ANO1: variants seen among roughly 807,000 people sequenced by gnomAD.
The protein encoded by ANO1 is anoctamin-1.
ANO1 carries 59 observed loss-of-function variants against 124.0 expected under a neutral mutation model. The ratio of observed to expected loss-of-function variants is 0.48; its 90% CI spans 0.39 to 0.59. The LOEUF (loss-of-function observed/expected upper bound fraction) is 0.59, where lower values mean the gene tolerates loss of function less well. Among genes scored for constraint, ANO1 ranks in the 20% least tolerant of loss-of-function variants. The probability of loss-of-function intolerance (pLI) is 0.00; values close to 1 mark genes in which losing one functional copy is unlikely to be tolerated. For synonymous variants in ANO1, 529 were observed against 532.0 expected (o/e 0.99, Z 0.08); for missense variants, 1,059 against 1,328.0 (o/e 0.80, Z 3.15).
chr11:70,030,465 G>A (rs1555003696), intron 1 of ANO1, among the ~76,000 whole-genome samples: 1 of 152,204 alleles, frequency 6.6e-6, no homozygotes, highest in African/African-American at 2.4e-5. Flanking sequence ...TTCAGCCCTG[G>A]AGGTCAGAAG....
At chr11:70,048,231 A>G (rs1479232346) in intron 1 of ANO1, among the ~76,000 whole-genome samples, 4 of 152,182 alleles carry the variant, frequency 2.6e-5, no homozygotes, top group Admixed American at 6.5e-5. Context: ...GAACTGGTGG[A>G]TTTGAATTTT....
intron 7 of ANO1, among the ~76,000 whole-genome samples, chr11:70,113,251 G>A (rs534496773): frequency 4.6e-5 from 7 of 152,034 alleles, no homozygotes; most frequent in South Asian, 2.1e-4. Flanking sequence ...AGACACCACC[G>A]TCTGACCACC....
chr11:70,016,531 C>T (rs1427343348), intron 1 of ANO1: 1 of 152,268 alleles, frequency 6.6e-6, no homozygotes, highest in African/African-American at 2.4e-5. Flanking sequence ...AGGACAGTGG[C>T]CAGCCTGGGA....
Position 70,054,190 on chromosome 11 carries a change from T to G in ANO1, c.59-24352T>G, listed in dbSNP as rs551243893. 3.3e-5 allele frequency among the ~76,000 whole-genome samples: 5 copies of G among 152,304 alleles called. No homozygotes were observed. In the East Asian group the frequency reaches 9.6e-4, roughly 29 times the overall value. ...GTAAAGTCCATGGAGCTAAGGAAAC[T>G]GCACACCCAGGGCCCACACACCCCT... On this transcript the variant is annotated intron_variant, in intron 1 of 27. Coordinates refer to the ANO1 transcript ENST00000531349.
chr11:70,025,662 A>C (rs1330931717), intron 1 of ANO1, among the ~76,000 whole-genome samples: 2 of 147,910 alleles, frequency 1.4e-5, no homozygotes, highest in Non-Finnish European at 3.0e-5. Flanking sequence ...TGTGATGATG[A>C]CAATAATGAT....
intron 2 of ANO1, among the ~76,000 whole-genome samples, chr11:70,092,866 T>G (rs946294903): frequency 2.6e-5 from 4 of 152,082 alleles, no homozygotes; most frequent in Non-Finnish European, 4.4e-5. Flanking sequence ...GCATGGGCAC[T>G]CAGATCCACA....
chr11:70,116,729 G>A (rs2045990612), intron 8 of ANO1: 2 of 538,244 alleles, frequency 3.7e-6, no homozygotes, highest in Non-Finnish European at 6.6e-6. Flanking sequence ...AAATGCCCTT[G>A]GCAGGTGACC....
chr11:70,045,590 G>A (rs144664100), intron 1 of ANO1, among the ~76,000 whole-genome samples: 33 of 152,246 alleles, frequency 2.2e-4, no homozygotes, highest in African/African-American at 7.5e-4. Flanking sequence ...GTTCATCGAT[G>A]GAGGGTCTAG....
At chr11:70,083,730 C>T (rs143145840) in intron 1 of ANO1, among the ~76,000 whole-genome samples, 8 of 152,268 alleles carry the variant, frequency 5.3e-5, no homozygotes, top group African/African-American at 1.9e-4. Context: ...TTATGGAGCC[C>T]CAACCAGGTT....
At chr11:70,098,139 C>T (rs74376482) in intron 2 of ANO1, among the ~76,000 whole-genome samples, 3,160 of 152,306 alleles carry the variant, frequency 0.021, 113 homozygotes, top group African/African-American at 0.072. Flanking sequence ...CCCGCGTCCT[C>T]GTGGACAGAC....
chr11:70,124,985 T>C (rs915367919), intron 9 of ANO1, among the ~76,000 whole-genome samples: 2 of 152,168 alleles, frequency 1.3e-5, no homozygotes, highest in Non-Finnish European at 2.9e-5. Flanking sequence ...TCAGGGGAAG[T>C]AGGCCCACAG....
chr11:70,029,419 G>A (rs1316773581), intron 1 of ANO1, among the ~76,000 whole-genome samples: 1 of 152,216 alleles, frequency 6.6e-6, no homozygotes, highest in Non-Finnish European at 1.5e-5. Context: ...GCCATTTGTA[G>A]GGGGTGTTTC....
intron 1 of ANO1, among the ~76,000 whole-genome samples, chr11:70,014,334 G>C (rs952302056): frequency 1.7e-5 from 2 of 116,536 alleles, no homozygotes; most frequent in African/African-American, 6.6e-5. Context: ...CCCCTGAGCC[G>C]CTCCTTTGCC....
intron 23 of ANO1, among the ~76,000 whole-genome samples, chr11:70,181,380 C>T (rs563522241): frequency 6.6e-6 from 1 of 152,320 alleles, no homozygotes; most frequent in Non-Finnish European, 1.5e-5. Flanking sequence ...TCTGACAGTG[C>T]CCTTTCCCGG....
the ANO1 span, among the ~76,000 whole-genome samples, chr11:69,972,771 G>A: frequency 1.5e-4 from 23 of 152,254 alleles, no homozygotes; most frequent in African/African-American, 4.6e-4. Context: ...GGGCCTCTGC[G>A]TGGTCGAGAT....
intron 14 of ANO1, among the ~76,000 whole-genome samples, chr11:70,154,293 G>A (rs1452796378): frequency 2.6e-5 from 4 of 151,964 alleles, no homozygotes; most frequent in South Asian, 4.2e-4. Context: ...AATGTGTCAG[G>A]GGACAGTGCT....
chr11:70,174,634 C>G (rs1052036222), intron 22 of ANO1, among the ~76,000 whole-genome samples: 8 of 152,254 alleles, frequency 5.3e-5, no homozygotes, highest in African/African-American at 1.4e-4. Context: ...CGGGAGGAAG[C>G]CTGGGTGAAT....
chr11:70,002,428 C>A (rs1342967572), intron 1 of ANO1, among the ~76,000 whole-genome samples: 3 of 130,758 alleles, frequency 2.3e-5, no homozygotes, highest in Admixed American at 9.6e-5. Context: ...AGAGCCATTG[C>A]ACTCCAGCCT....
chr11:70,085,046 A>AG (rs758262188), intron 1 of ANO1, among the ~76,000 whole-genome samples: 2 of 151,814 alleles, frequency 1.3e-5, no homozygotes, highest in East Asian at 1.9e-4. Flanking sequence ...GCTCCTACTA[A>AG]GGGGGGCCGC....
Sources: allele counts gnomAD v4.1 joint callset (sites outside exome capture counted in the v4.1 genomes callset), GRCh38; gene constraint gnomAD v4.1.1; transcripts MANE v1.5; gene names NCBI Gene and HGNC (gene_info 2026-07-23, HGNC 2026-07-21).